The following TIAM1 variants were observed in gnomAD, a reference collection of about 807,000 sequenced individuals.
The protein encoded by TIAM1 is TIAM Rac1 associated GEF 1, also known as rho guanine nucleotide exchange factor TIAM1.
In TIAM1, 65 loss-of-function variants were observed where a neutral mutation model predicts 163.5. The ratio of observed to expected loss-of-function variants is 0.40; its 90% CI spans 0.33 to 0.49. TIAM1 has a LOEUF of 0.49. Ranked by LOEUF, TIAM1 falls within the 20% of genes least tolerant of loss-of-function variation. TIAM1 has a pLI of 0.77. For synonymous variants in TIAM1, 833 were observed against 810.1 expected, an observed-to-expected ratio of 1.03 and a Z score of -0.48; for missense variants, 1,789 against 2,044.7, an observed-to-expected ratio of 0.87 and a Z score of 2.41.
chr21:31,460,284 C>T (rs1292353456), intron 2 of TIAM1, among the ~76,000 whole-genome samples: 1 of 152,172 alleles, frequency 6.6e-6, no homozygotes, highest in African/African-American at 2.4e-5. Context: ...ACCACACACA[C>T]ATAAAGGCAG....
At chr21:31,438,347 A>G (rs1329179081) in intron 2 of TIAM1, among the ~76,000 whole-genome samples, 1 of 151,706 alleles carries the variant, frequency 6.6e-6, no homozygotes, top group African/African-American at 2.4e-5. Context: ...GCCTGCCACC[A>G]TGCCCAGCTA....
chr21:31,520,392 TA>T (rs531182832), intron 1 of TIAM1, among the ~76,000 whole-genome samples: 5 of 151,480 alleles, frequency 3.3e-5, no homozygotes, highest in South Asian at 2.1e-4. Context: ...TTTACTGTAA[TA>T]AAAAAAAGAA....
intron 2 of TIAM1, among the ~76,000 whole-genome samples, chr21:31,427,974 G>A (rs1017903604): frequency 6.6e-6 from 1 of 151,636 alleles, no homozygotes; most frequent in African/African-American, 2.4e-5. Flanking sequence ...TATAGAAACT[G>A]AACGCGGCCA....
intron 2 of TIAM1, among the ~76,000 whole-genome samples, chr21:31,353,734 T>G (rs1452678681): frequency 1.3e-5 from 2 of 152,048 alleles, no homozygotes; most frequent in Non-Finnish European, 1.5e-5. Context: ...GGACCCCAGC[T>G]CTCTCCAACC....
In TIAM1 at chr21:31,187,066, T is replaced by C. The variant is rs1231348609; in HGVS notation, c.2597A>G (p.Glu866Gly). The change falls in exon 14 of 28, where the codon GAA becomes GGA. Residue 866 changes from glutamate to glycine, a missense_variant. By Grantham distance (98) the Glu-to-Gly change is moderately conservative. This residue lies in a region of TIAM1 where 456 missense variants were observed against 586.6 expected (regional missense o/e 0.78). Transcript: ENST00000541036. ...GTACAGCCTTCGAATACCATCTTCT[T>C]CCACAGAAGAAAGTGAAAACCCTGT... ...DTYGFSLSSV[E>G]EDGIRRLYVN... 6.2e-7 allele frequency: 1 copy of C among 1,613,940 alleles called. No individual in the cohort carries two copies. The highest frequency in any genetic ancestry group is 8.5e-7 in the Non-Finnish European group (1 of 1,179,974).
At chr21:31,228,193 G>C (rs2088110076) in intron 6 of TIAM1, among the ~76,000 whole-genome samples, 2 of 39,804 alleles carry the variant, frequency 5.0e-5, no homozygotes, top group Non-Finnish European at 9.1e-5. Flanking sequence ...TTACAGGTGT[G>C]AGCCACCATG....
chr21:31,535,379 T>C (rs1032953474), intron 1 of TIAM1, among the ~76,000 whole-genome samples: 23 of 19,878 alleles, frequency 1.2e-3, no homozygotes, highest in South Asian at 2.6e-3. Context: ...AGGCTCCATC[T>C]CAAAAAAAAA....
At chr21:31,172,720 G>A (rs1453957305) in intron 15 of TIAM1, among the ~76,000 whole-genome samples, 1 of 152,112 alleles carries the variant, frequency 6.6e-6, no homozygotes, top group Non-Finnish European at 1.5e-5. Context: ...AGCTGCTATA[G>A]AGCCCGGCGC....
chr21:31,137,407 A>G (rs954647925), intron 22 of TIAM1, among the ~76,000 whole-genome samples: 2 of 152,166 alleles, frequency 1.3e-5, no homozygotes, highest in African/African-American at 2.4e-5. Flanking sequence ...TTGTCTATAG[A>G]TATTAAGTAA....
intron 3 of TIAM1, among the ~76,000 whole-genome samples, chr21:31,276,109 T>C (rs1248192753): frequency 6.6e-6 from 1 of 152,020 alleles, no homozygotes; most frequent in Admixed American, 6.6e-5. Flanking sequence ...TTCAAGCCTG[T>C]TTTTTCCCTA....
Position 31,152,698 on chromosome 21 carries a change from G to C in TIAM1, c.3304C>G (p.Leu1102Val). 6.2e-7 allele frequency: 1 copy of C among 1,614,170 alleles called. No individual in the cohort carries two copies. Among genetic ancestry groups the C allele is most frequent in the Middle Eastern group, 1.6e-4 (1 of 6,062 alleles). Residue 1102 changes from leucine (L) to valine (V), a missense_variant, in exon 19 of 28, where the codon CTA becomes GTA. This residue lies in a region of TIAM1 where 303 missense variants were observed against 321.3 expected (regional missense o/e 0.94). Coordinates refer to ENST00000541036, the MANE Select transcript of TIAM1 (RefSeq NM_001353694.2). ...GGTACCAGTCTCACTCCATCTTCTA[G>C]AGTTTTAAGGAATTCTACTTGAAAC... ...VEFQVEFLKT[L>V]EDGVRLVPDL... is the part of the protein sequence containing the mutation.
chr21:31,210,198 G>A lies in TIAM1; in HGVS notation c.2235C>T (p.Val745=), dbSNP rs1021016374. 1.9e-6 allele frequency: 3 copies of A among 1,614,062 alleles called. No homozygotes were observed. Among genetic ancestry groups the A allele is most frequent in the Non-Finnish European group, 1.7e-6 (2 of 1,180,020 alleles). ...GGTTGTGCTGGTGAACGTTAGGTAAGACCACTTCTTTCTCCCTCTATAACA... is the reference window on the plus strand; with the variant it reads ...GGTTGTGCTGGTGAACGTTAGGTAAAACCACTTCTTTCTCCCTCTATAACA... The part of the protein sequence containing the change: ...VPDGKREKEV[V]LPNVHQHNPD... Residue 745 remains valine, a synonymous_variant, in exon 11 of 28, where the codon GTC becomes GTT. Coordinates refer to ENST00000541036, the MANE Select transcript of TIAM1 (RefSeq NM_001353694.2).
intron 2 of TIAM1, among the ~76,000 whole-genome samples, chr21:31,405,022 G>A (rs537389524): frequency 1.3e-5 from 2 of 152,114 alleles, no homozygotes; most frequent in Non-Finnish European, 2.9e-5. Context: ...CAGGAGGAAT[G>A]CTTGAGCCCA....
chr21:31,305,370 G>A (rs1314248583), intron 2 of TIAM1, among the ~76,000 whole-genome samples: 1 of 151,746 alleles, frequency 6.6e-6, no homozygotes, highest in Non-Finnish European at 1.5e-5. Context: ...GCAGCAAGGG[G>A]GTAGCAAATA....
Position 31,369,124 on chromosome 21 carries a change from G to A in TIAM1, c.-368-29702C>T, listed in dbSNP as rs184178113. On this transcript the variant is annotated intron_variant, in intron 2 of 28. Coordinates refer to the TIAM1 transcript ENST00000286827. ...GCCTGTAGTCTCAGCTTCTTGGGAG[G>A]CTGAGGCAGGAGAACAGCGTGAACC... is the stretch of plus-strand genomic sequence containing the variant. 3.9e-3 allele frequency among the ~76,000 whole-genome samples: 592 copies of A among 151,856 alleles called. 2 individuals carry two copies. The highest frequency in any genetic ancestry group is 6.8e-3 in the Middle Eastern group (2 of 294).
intron 1 of TIAM1, among the ~76,000 whole-genome samples, chr21:31,528,230 C>T (rs1284994234): frequency 1.3e-5 from 2 of 152,108 alleles, no homozygotes; most frequent in Non-Finnish European, 2.9e-5. Context: ...AAATACTTCC[C>T]AAAGCCAGGC....
intron 2 of TIAM1, among the ~76,000 whole-genome samples, chr21:31,313,716 C>T (rs1409490137): frequency 6.6e-6 from 1 of 152,118 alleles, no homozygotes; most frequent in African/African-American, 2.4e-5. Context: ...CTGGGATTTG[C>T]AAGCATGCAC....
Position 31,544,752 on chromosome 21 carries a change from G to A in TIAM1, c.-422+14175C>T, listed in dbSNP as rs561053222. Among the ~76,000 whole-genome samples the A allele has an allele frequency of 3.9e-5, 6 of 152,264 alleles. No individual in the cohort carries two copies. The South Asian group carries it at 1.0e-3, about 26-fold the overall frequency. ...ATCCTGGCCAGGCACGGTGGCTCAC[G>A]CCTGTAATCCCAGCACTTTGGGAGG... On this transcript the variant is annotated intron_variant, in intron 1 of 28. Transcript: ENST00000286827.
Position 31,182,614 on chromosome 21 carries a change from G to C in TIAM1, c.2694C>G (p.Ile898Met). 6.2e-7 allele frequency: 1 copy of C among 1,612,442 alleles called. No homozygotes were observed. Among genetic ancestry groups the C allele is most frequent in the East Asian group, 2.2e-5 (1 of 44,842 alleles). ...GLKAGDEILEINNRAADALNS... is the reference protein window; with the variant it reads ...GLKAGDEILEMNNRAADALNS... ...TCAGGGCGTCAGCAGCACGATTATT[G>C]ATCTCAAGAATCTCATCTCCTGCTT... Residue 898 changes from isoleucine to methionine, a missense_variant, in exon 15 of 28, where the codon ATC becomes ATG. This residue lies in a region of TIAM1 where 303 missense variants were observed against 321.3 expected (regional missense o/e 0.94). Coordinates refer to ENST00000541036, the MANE Select transcript of TIAM1 (RefSeq NM_001353694.2).
Sources: allele counts gnomAD v4.1 joint callset (sites outside exome capture counted in the v4.1 genomes callset), GRCh38; gene constraint gnomAD v4.1.1; regional missense constraint gnomAD v4.1.1; transcripts MANE v1.5; gene names NCBI Gene and HGNC (gene_info 2026-07-23, HGNC 2026-07-21).